Variants in LINGO2 observed in about 807,000 individuals in gnomAD.
The protein encoded by LINGO2 is leucine rich repeat and Ig domain containing 2, also known as leucine-rich repeat and immunoglobulin-like domain-containing nogo receptor-interacting protein 2.
In LINGO2, 14 loss-of-function variants were observed where a neutral mutation model predicts 30.6. The ratio of observed to expected loss-of-function variants is 0.46; its 90% CI spans 0.30 to 0.72. The LOEUF (loss-of-function observed/expected upper bound fraction) is 0.72. Ranked by LOEUF, LINGO2 falls within the 30% of genes least tolerant of loss-of-function variation. LINGO2 has a pLI of 0.07. For synonymous variants in LINGO2, 317 were observed against 288.5 expected (o/e 1.10, Z -1.00); for missense variants, 729 against 751.7 (o/e 0.97, Z 0.35).
chr9:29,091,409 T>A, the LINGO2 span, among the ~76,000 whole-genome samples: 20 of 56,170 alleles, frequency 3.6e-4, no homozygotes, highest in East Asian at 6.8e-4. Flanking sequence ...TCAAAAAAAA[T>A]TTTTTTGCTA....
At chr9:29,014,833 T>A in the LINGO2 span, among the ~76,000 whole-genome samples, 1 of 152,200 alleles carries the variant, frequency 6.6e-6, no homozygotes, top group East Asian at 1.9e-4. Flanking sequence ...AAAAATGTTA[T>A]GACCCTGTGA....
the LINGO2 span, among the ~76,000 whole-genome samples, chr9:28,868,921 C>T: frequency 1.3e-5 from 2 of 152,148 alleles, no homozygotes; most frequent in African/African-American, 4.8e-5. Context: ...ACTATATACA[C>T]AATTATCATT....
chr9:28,425,488 G>A (rs1259493310), intron 2 of LINGO2, among the ~76,000 whole-genome samples: 1 of 151,964 alleles, frequency 6.6e-6, no homozygotes, highest in South Asian at 2.1e-4. Flanking sequence ...AAGAAGTAGT[G>A]GAGGCAGCCT....
intron 1 of LINGO2, among the ~76,000 whole-genome samples, chr9:28,485,501 A>C (rs562669887): frequency 6.6e-6 from 1 of 152,246 alleles, no homozygotes; most frequent in African/African-American, 2.4e-5. Flanking sequence ...GAATCAGAGG[A>C]GAGAAAGCTC....
At chr9:28,873,726 T>C in the LINGO2 span, among the ~76,000 whole-genome samples, 1 of 152,156 alleles carries the variant, frequency 6.6e-6, no homozygotes. Flanking sequence ...AAGAATTATC[T>C]TACTTCTCTT....
the LINGO2 span, among the ~76,000 whole-genome samples, chr9:28,819,520 C>A: frequency 6.6e-6 from 1 of 152,152 alleles, no homozygotes; most frequent in South Asian, 2.1e-4. Context: ...AATTTCTTTT[C>A]CCTCCTAGTT....
At chr9:28,339,587 C>T (rs926705222) in intron 3 of LINGO2, among the ~76,000 whole-genome samples, 5 of 152,052 alleles carry the variant, frequency 3.3e-5, no homozygotes, top group Admixed American at 6.6e-5. Context: ...ATTTTCTGAA[C>T]CTAACTTAAA....
chr9:28,003,324 C>CATATAGAT (rs535033953), intron 5 of LINGO2, among the ~76,000 whole-genome samples: 22 of 142,010 alleles, frequency 1.5e-4, no homozygotes, highest in Non-Finnish European at 2.6e-4. Flanking sequence ...TTTTGTTAAC[C>CATATAGAT]ATATAGATAT....
chr9:28,474,558 C>T (rs1246513768), intron 2 of LINGO2, among the ~76,000 whole-genome samples: 38 of 152,232 alleles, frequency 2.5e-4, no homozygotes, highest in South Asian at 1.2e-3. Flanking sequence ...TTTCATACTA[C>T]TCTTTTATAA....
chr9:28,817,210 T>C, the LINGO2 span, among the ~76,000 whole-genome samples: 1 of 151,252 alleles, frequency 6.6e-6, no homozygotes, highest in East Asian at 1.9e-4. Context: ...CAGTCATTCC[T>C]GAGCTATGTA....
chr9:28,497,512 G>A (rs1407448489), intron 1 of LINGO2, among the ~76,000 whole-genome samples: 1 of 152,130 alleles, frequency 6.6e-6, no homozygotes, highest in Non-Finnish European at 1.5e-5. Flanking sequence ...AGCTTCATCA[G>A]GTCATTTAAG....
the LINGO2 span, among the ~76,000 whole-genome samples, chr9:28,760,439 A>T: frequency 6.6e-6 from 1 of 152,036 alleles, no homozygotes; most frequent in Non-Finnish European, 1.5e-5. Context: ...ATTTTCAAGA[A>T]ATTCAACATC....
rs577394488 is a variant in LINGO2 at position 28,349,930 on chromosome 9, T to C, written c.-246+22906A>G. On this transcript the variant is annotated intron_variant, in intron 3 of 5. Coordinates refer to ENST00000379992, the Ensembl canonical transcript of LINGO2. ...CATAAGTGAAGGAGAAATAAAATCC[T>C]TTACAGACAAGCAAATGCTGAGAGA... Among the ~76,000 whole-genome samples, 32 of 152,190 alleles carry C rather than the reference T, an allele frequency of 2.1e-4. No individual in the cohort carries two copies. In the East Asian group the frequency reaches 5.8e-3, roughly 28 times the overall value.
the LINGO2 span, among the ~76,000 whole-genome samples, chr9:29,155,381 T>C: frequency 2.6e-5 from 4 of 152,124 alleles, no homozygotes; most frequent in Non-Finnish European, 5.9e-5. Context: ...TCTACTTTTC[T>C]AGTCATTTTT....
chr9:28,035,060 T>G (rs1199064131), intron 4 of LINGO2, among the ~76,000 whole-genome samples: 1 of 152,242 alleles, frequency 6.6e-6, no homozygotes, highest in Non-Finnish European at 1.5e-5. Context: ...CTGATGTGCC[T>G]GTTTGGATAT....
intron 2 of LINGO2, among the ~76,000 whole-genome samples, chr9:28,396,413 G>C (rs904207844): frequency 6.6e-6 from 1 of 152,006 alleles, no homozygotes; most frequent in Non-Finnish European, 1.5e-5. Context: ...TATTTAAGAA[G>C]TCCTGATTAG....
chr9:28,639,180 A>T (rs2135924935), intron 1 of LINGO2, among the ~76,000 whole-genome samples: 1 of 152,236 alleles, frequency 6.6e-6, no homozygotes, highest in Non-Finnish European at 1.5e-5. Context: ...CTGTGGTCTG[A>T]GAGACAGTTT....
intron 1 of LINGO2, among the ~76,000 whole-genome samples, chr9:28,662,495 C>A (rs937964962): frequency 6.6e-6 from 1 of 152,070 alleles, no homozygotes; most frequent in Non-Finnish European, 1.5e-5. Context: ...AGTGAGAGGG[C>A]GATTTTTTAT....
At chr9:27,997,586 GAAT>G (rs1460106271) in intron 5 of LINGO2, among the ~76,000 whole-genome samples, 2 of 152,066 alleles carry the variant, frequency 1.3e-5, no homozygotes, top group Non-Finnish European at 2.9e-5. Flanking sequence ...CTCTTTAATT[GAAT>G]ACTTGCAGCT....
Sources: gnomAD v4.1 joint callset for allele counts (sites outside exome capture counted in the v4.1 genomes callset) on GRCh38, gnomAD v4.1.1 for gene constraint, MANE v1.5 for transcripts, NCBI Gene and HGNC (gene_info 2026-07-23, HGNC 2026-07-21) for gene names.